SPATA13: variants seen among roughly 807,000 people sequenced by gnomAD.
SPATA13 encodes the protein spermatogenesis-associated protein 13.
SPATA13 carries 50 observed loss-of-function variants against 104.0 expected under a neutral mutation model. The observed-to-expected ratio is 0.48, with a 90% CI of 0.38 to 0.61. The LOEUF (loss-of-function observed/expected upper bound fraction) is 0.61. SPATA13 is among the 20% of genes least tolerant of loss of function. The pLI, the probability that SPATA13 is intolerant of heterozygous loss-of-function variation, is 0.00. For missense variants in SPATA13, 1,524 were observed against 1,690.6 expected, an observed-to-expected ratio of 0.90 and a Z score of 1.73; for synonymous variants, 606 against 667.5, an observed-to-expected ratio of 0.91 and a Z score of 1.42.
intron 3 of SPATA13, among the ~76,000 whole-genome samples, chr13:24,041,000 G>A (rs1877904755): frequency 6.6e-6 from 1 of 152,192 alleles, no homozygotes; most frequent in Non-Finnish European, 1.5e-5. Flanking sequence ...TGGGTCACAT[G>A]GTTACAGCTG....
At chr13:24,253,225 G>A (rs764279368) in intron 4 of SPATA13, 12 of 152,176 alleles carry the variant, frequency 7.9e-5, no homozygotes, top group Non-Finnish European at 1.3e-4. Flanking sequence ...GGCCAAGTAA[G>A]TATTTAACAG....
At chr13:24,284,364 C>G in intron 5 of SPATA13, 93 bp downstream of exon 5, 1 of 1,354,794 alleles carries the variant, frequency 7.4e-7, no homozygotes, top group Non-Finnish European at 1.0e-6. Flanking sequence ...TTCTTCTTTA[C>G]TAAGCATGTC....
Position 24,228,114 on chromosome 13 carries a change from T to TC in SPATA13, c.1653+3532_1653+3533insC, listed in dbSNP as rs201378681. The stretch of plus-strand genomic sequence containing the variant: ...GTTTCTCCCCTCTTGTACTCTTTTT[T>TC]TTTTTTTTTTTTTTTTTGAGACGGA... On this transcript the variant is annotated intron_variant, in intron 2 of 12. Transcript: ENST00000382108. Among the ~76,000 whole-genome samples the TC allele has an allele frequency of 3.6e-5, 3 of 82,836 alleles. No individual in the cohort carries two copies. The East Asian group carries it at 1.3e-3, about 36-fold the overall frequency. The allele number at this position is 82,836 out of a possible 152,430, so 54.3% of individuals were successfully genotyped here.
intron 3 of SPATA13, among the ~76,000 whole-genome samples, chr13:24,152,602 C>T (rs111580246): frequency 0.021 from 3,128 of 152,318 alleles, 49 homozygotes; most frequent in African/African-American, 0.042. Context: ...CCCACATCCC[C>T]GTCTGTGTGA....
At position 24,288,954 on chromosome 13, in the gene SPATA13, T is replaced by G. The variant is rs58132571; in HGVS notation, c.2668-45T>G. On this transcript the variant is annotated intron_variant, in intron 7 of 12. Transcript: ENST00000382108. ...ACAAAAGCTGTACTATTCAAATAAT[T>G]TATTTGGATTTCCAAATAAAAAGTA... 1,953 of 1,531,320 alleles carry G rather than the reference T, an allele frequency of 1.3e-3. 26 individuals are homozygous for G. The African/African-American group carries it at 0.025, about 19-fold the overall frequency. 94.9% of individuals were successfully genotyped at this position (1,531,320 alleles called of 1,614,324 possible).
chr13:24,011,345 C>T lies in SPATA13; in HGVS notation c.-146-6322C>T, dbSNP rs977386692. On this transcript the variant is annotated intron_variant, in intron 2 of 14. Transcript: ENST00000424834. This position sits in a 1 kb window ranked among gnomAD's most constrained non-coding sequence, Gnocchi z 4.3. ...GGCTTGGCCATCTCATGCTGTCTCACGTTCCGCAGCTGGTCTGGGCCCAAG... is the reference window on the plus strand; with the variant it reads ...GGCTTGGCCATCTCATGCTGTCTCATGTTCCGCAGCTGGTCTGGGCCCAAG... Among the ~76,000 whole-genome samples the T allele has an allele frequency of 1.2e-4, 19 of 152,310 alleles. No homozygotes were observed. Among genetic ancestry groups the T allele is most frequent in the African/African-American group, 4.3e-4 (18 of 41,562 alleles).
At chr13:24,193,187 A>G (rs1201034222) in intron 1 of SPATA13, among the ~76,000 whole-genome samples, 1 of 152,150 alleles carries the variant, frequency 6.6e-6, no homozygotes, top group Non-Finnish European at 1.5e-5. Flanking sequence ...ATAGGAGAGT[A>G]GAAAAGTGGA....
At chr13:24,077,649 T>C (rs1257695817) in intron 3 of SPATA13, among the ~76,000 whole-genome samples, 2 of 152,010 alleles carry the variant, frequency 1.3e-5, no homozygotes, top group African/African-American at 4.8e-5. Flanking sequence ...CAAAACAGAA[T>C]ATGGAATTTG....
rs899504175 is a variant in SPATA13 at position 24,117,942 on chromosome 13, C to T, written c.-112+100241C>T. Among the ~76,000 whole-genome samples the T allele has an allele frequency of 9.2e-5, 14 of 152,030 alleles. No homozygotes were observed. The East Asian group carries it at 1.5e-3, about 17-fold the overall frequency. ...ACACATCATCAAACTCACATTGTAA[C>T]GATTATTTCACTTTTCAAAAAAAAT... On this transcript the variant is annotated intron_variant, in intron 3 of 14. Coordinates refer to the SPATA13 transcript ENST00000424834.
intron 4 of SPATA13, among the ~76,000 whole-genome samples, chr13:24,269,186 T>G (rs192882011): frequency 6.6e-6 from 1 of 152,308 alleles, no homozygotes. Context: ...GATTATTGAT[T>G]GGTGCTGCAG....
intron 4 of SPATA13, among the ~76,000 whole-genome samples, chr13:24,276,153 A>C (rs779161457): frequency 6.6e-6 from 1 of 152,232 alleles, no homozygotes; most frequent in Non-Finnish European, 1.5e-5. Context: ...GGTCTCAAAA[A>C]GATAGTAGCA....
intron 2 of SPATA13, among the ~76,000 whole-genome samples, chr13:24,246,207 T>C (rs1873123233): frequency 6.6e-6 from 1 of 152,224 alleles, no homozygotes; most frequent in South Asian, 2.1e-4. Context: ...CTTCTGTTTT[T>C]CTAGCGTGTT....
intron 4 of SPATA13, among the ~76,000 whole-genome samples, chr13:24,283,217 A>T (rs1875681111): frequency 6.6e-6 from 1 of 151,656 alleles, no homozygotes; most frequent in African/African-American, 2.4e-5. Context: ...CTTGCTTCAG[A>T]CTCTCCCTAT....
chr13:24,189,342 G>A (rs978335359), intron 1 of SPATA13, among the ~76,000 whole-genome samples: 3 of 151,394 alleles, frequency 2.0e-5, no homozygotes, highest in African/African-American at 7.3e-5. Flanking sequence ...ATGGTGGCGG[G>A]TGCCTATAAT....
In SPATA13 at chr13:24,055,073, C is replaced by A. The variant is rs1432038822; in HGVS notation, c.-112+37372C>A. ...GTTGTGCCCTGTCATATTTTACATT[C>A]TGAGCAAGCCTACAGCCTCCAGCAG... On this transcript the variant is annotated intron_variant, in intron 3 of 14. Coordinates refer to the SPATA13 transcript ENST00000424834. Among the ~76,000 whole-genome samples the A allele has an allele frequency of 1.3e-5, 2 of 152,206 alleles. 1 individual carries two copies. Among genetic ancestry groups the A allele is most frequent in the Non-Finnish European group, 2.9e-5 (2 of 68,036 alleles).
intron 4 of SPATA13, among the ~76,000 whole-genome samples, chr13:24,265,214 C>T (rs553824762): frequency 2.6e-5 from 4 of 152,320 alleles, no homozygotes; most frequent in Non-Finnish European, 5.9e-5. Context: ...GCATTTCAGT[C>T]AGACCTGAAC....
intron 3 of SPATA13, among the ~76,000 whole-genome samples, chr13:24,140,750 G>T (rs1377559884): frequency 1.3e-5 from 2 of 152,200 alleles, no homozygotes; most frequent in African/African-American, 4.8e-5. Context: ...GTGAACCCAT[G>T]AATTCTGGGT....
At chr13:24,062,588 A>AATTT in intron 3 of SPATA13, among the ~76,000 whole-genome samples, 1 of 152,232 alleles carries the variant, frequency 6.6e-6, no homozygotes, top group Middle Eastern at 3.4e-3. Flanking sequence ...AGGAGCCTCC[A>AATTT]TCCAGTTCTA....
Position 24,223,423 on chromosome 13 carries a change from C to T in SPATA13, c.494C>T (p.Ala165Val). 2 of 1,551,138 alleles carry T rather than the reference C, an allele frequency of 1.3e-6. No homozygotes were observed. The highest frequency in any genetic ancestry group is 1.2e-5 in the South Asian group (1 of 84,064). The change falls in exon 2 of 13, where the codon GCA (alanine) becomes GTA (valine). Residue 165 changes from alanine to valine, a missense_variant. Coordinates refer to ENST00000382108, the MANE Select transcript of SPATA13 (RefSeq NM_001166271.3). Reference protein sequence around the residue: ...GAQASRGSPLAPGPACGALRP... With the variant: ...GAQASRGSPLVPGPACGALRP... ...CAGGCAAGCAGGGGCTCCCCCTTAG[C>T]ACCGGGACCAGCATGTGGTGCCCTC...
Sources: gnomAD v4.1 joint callset for allele counts (sites outside exome capture counted in the v4.1 genomes callset) on GRCh38, gnomAD v4.1.1 for gene constraint, Gnocchi (gnomAD v3.1) non-coding constraint, MANE v1.5 for transcripts, NCBI Gene and HGNC (gene_info 2026-07-23, HGNC 2026-07-21) for gene names.